The following BPGM variants were observed in gnomAD, a reference collection of about 807,000 sequenced individuals.
BPGM encodes the protein bisphosphoglycerate mutase, also known as 2,3-bisphosphoglycerate mutase, erythrocyte.
Under a neutral mutation model 21.6 loss-of-function variants are expected in BPGM, and 15 were observed. The observed-to-expected ratio is 0.70, with a 90% CI of 0.47 to 1.07. The LOEUF is 1.07. BPGM is among the 50% of genes least tolerant of loss of function. The probability of loss-of-function intolerance (pLI) is 0.00; values close to 1 mark genes in which losing one functional copy is unlikely to be tolerated. For missense variants in BPGM, 273 were observed against 319.0 expected (o/e 0.86, Z 1.10); for synonymous variants, 113 against 116.2 (o/e 0.97, Z 0.18).
At chr7:134,657,690 A>T (rs1395641441) in intron 1 of BPGM, among the ~76,000 whole-genome samples, 1 of 152,150 alleles carries the variant, frequency 6.6e-6, no homozygotes, top group Non-Finnish European at 1.5e-5. Flanking sequence ...TTCAGTTCAG[A>T]TCTTTTTCAG....
Position 134,661,759 on chromosome 7 carries a change from C to G in BPGM, c.252C>G (p.Ser84=). The G allele has an allele frequency of 6.2e-7, 1 of 1,614,174 alleles. No homozygotes were observed. Among genetic ancestry groups the G allele is most frequent in the Middle Eastern group, 1.6e-4 (1 of 6,062 alleles). The part of the protein sequence containing the change: ...LGQEWVPVES[S]WRLNERHYGA... ...AGGAATGGGTGCCTGTGGAAAGCTC[C>G]TGGCGTCTAAATGAGCGTCACTATG... Residue 84 remains serine, a synonymous_variant, in exon 2 of 3, where the codon TCC becomes TCG. Transcript: ENST00000344924. The surrounding 1 kb of genome is among the most constrained non-coding windows in gnomAD (Gnocchi z 4.6).
Position 134,661,961 on chromosome 7 carries a change from C to T in BPGM, c.454C>T (p.Leu152=). The part of the protein sequence containing the change: ...YKVCDVPLDQ[L]PRSESLKDVL... ...AGTATGCGATGTGCCCTTGGATCAA[C>T]TGCCACGGTCGGAAAGCTTAAAGGA... Residue 152 remains leucine, a synonymous_variant, in exon 2 of 3, where the codon CTG becomes TTG. Transcript: ENST00000344924. This position sits in a 1 kb window ranked among gnomAD's most constrained non-coding sequence, Gnocchi z 4.6. 1.9e-6 allele frequency: 3 copies of T among 1,614,198 alleles called. No homozygotes were observed. Among genetic ancestry groups the T allele is most frequent in the Non-Finnish European group, 2.5e-6 (3 of 1,180,032 alleles).
chr7:134,674,720 G>GAAGGTTTGTGTAC (rs1221825699), intron 2 of BPGM, among the ~76,000 whole-genome samples: 1 of 152,198 alleles, frequency 6.6e-6, no homozygotes, highest in Non-Finnish European at 1.5e-5. Flanking sequence ...ATGCTGCTAT[G>GAAGGTTTGTGTAC]AAGGTTTGTG....
At chr7:134,657,171 A>G (rs975117655) in intron 1 of BPGM, among the ~76,000 whole-genome samples, 5 of 152,202 alleles carry the variant, frequency 3.3e-5, no homozygotes, top group Admixed American at 2.0e-4. Flanking sequence ...TTAAAACTTC[A>G]TTGTGCCTCG....
At chr7:134,657,293 A>G (rs1233297471) in intron 1 of BPGM, among the ~76,000 whole-genome samples, 1 of 152,224 alleles carries the variant, frequency 6.6e-6, no homozygotes, top group Non-Finnish European at 1.5e-5. Flanking sequence ...AGTGTTCTGC[A>G]TAGGGTACAG....
intron 1 of BPGM, among the ~76,000 whole-genome samples, chr7:134,649,969 T>C (rs1356182868): frequency 6.6e-6 from 1 of 152,226 alleles, no homozygotes; most frequent in Admixed American, 6.5e-5. Flanking sequence ...ACCTCTCACT[T>C]TTTGGTAGAG....
At chr7:134,664,028 A>G (rs1348154472) in intron 2 of BPGM, among the ~76,000 whole-genome samples, 1 of 152,204 alleles carries the variant, frequency 6.6e-6, no homozygotes, top group Non-Finnish European at 1.5e-5. Flanking sequence ...TTACTTTTCT[A>G]CATTTGAGGG....
intron 1 of BPGM, among the ~76,000 whole-genome samples, chr7:134,648,895 A>G (rs889723775): frequency 6.6e-6 from 1 of 152,240 alleles, no homozygotes; most frequent in Non-Finnish European, 1.5e-5. Flanking sequence ...AAAAATTATT[A>G]GTATACAAGC....
intron 2 of BPGM, among the ~76,000 whole-genome samples, chr7:134,673,192 A>ATAT (rs1406324778): frequency 3.9e-5 from 6 of 152,156 alleles, no homozygotes. Context: ...AATAATAATA[A>ATAT]TAAAATAAAA....
chr7:134,672,830 A>G (rs1162506758), intron 2 of BPGM, among the ~76,000 whole-genome samples: 1 of 152,166 alleles, frequency 6.6e-6, no homozygotes, highest in African/African-American at 2.4e-5. Flanking sequence ...TTATGCCAAA[A>G]TTGAGTAATG....
intron 2 of BPGM, among the ~76,000 whole-genome samples, chr7:134,675,909 A>G (rs1795977884): frequency 6.6e-6 from 1 of 152,192 alleles, no homozygotes; most frequent in Non-Finnish European, 1.5e-5. Context: ...TAGTCAGAGT[A>G]TAGTTTTGTA....
chr7:134,651,130 C>T (rs561382469), intron 1 of BPGM, among the ~76,000 whole-genome samples: 53 of 152,280 alleles, frequency 3.5e-4, no homozygotes, highest in African/African-American at 1.2e-3. Context: ...CCAAGGAAAA[C>T]GTCATCTGAG....
intron 1 of BPGM, among the ~76,000 whole-genome samples, chr7:134,654,549 A>T (rs1795608795): frequency 6.6e-6 from 1 of 152,184 alleles, no homozygotes; most frequent in Non-Finnish European, 1.5e-5. Context: ...TGAGGATTCA[A>T]ACAGTGCCAA....
At chr7:134,658,403 T>C (rs143314660) in intron 1 of BPGM, 2 of 152,356 alleles carry the variant, frequency 1.3e-5, no homozygotes, top group East Asian at 1.9e-4. Flanking sequence ...CGGAAAACTT[T>C]CTGTTTACAC....
At chr7:134,669,874 G>A (rs1001397509) in intron 2 of BPGM, among the ~76,000 whole-genome samples, 1 of 152,094 alleles carries the variant, frequency 6.6e-6, no homozygotes, top group African/African-American at 2.4e-5. Flanking sequence ...ATAAGTCCAG[G>A]TTAAAAAGCA....
intron 1 of BPGM, among the ~76,000 whole-genome samples, chr7:134,653,047 C>T (rs1795581206): frequency 6.6e-6 from 1 of 152,102 alleles, no homozygotes; most frequent in Non-Finnish European, 1.5e-5. Context: ...AGCCCACAAA[C>T]TATGCATGGG....
chr7:134,678,612 G>C (rs1796015810), intron 2 of BPGM, among the ~76,000 whole-genome samples: 1 of 152,216 alleles, frequency 6.6e-6, no homozygotes. Flanking sequence ...ATAGGAAACA[G>C]GAACAGATTG....
At chr7:134,678,706 G>C in intron 2 of BPGM, 147 bp from the exon 3 acceptor site, 1 of 849,268 alleles carries the variant, frequency 1.2e-6, no homozygotes, top group Non-Finnish European at 1.9e-6. Flanking sequence ...AAAGTTCCTG[G>C]CTTCCAGGAA....
chr7:134,662,150 G>A, intron 2 of BPGM, 42 bp downstream of exon 2: 3 of 1,612,164 alleles, frequency 1.9e-6, no homozygotes, highest in Non-Finnish European at 2.5e-6. Context: ...TGCCAAGTGT[G>A]ATATCTAGGC....
Sources: gnomAD v4.1 joint callset for allele counts (sites outside exome capture counted in the v4.1 genomes callset) on GRCh38, gnomAD v4.1.1 for gene constraint, Gnocchi (gnomAD v3.1) non-coding constraint, MANE v1.5 for transcripts, NCBI Gene and HGNC (gene_info 2026-07-23, HGNC 2026-07-21) for gene names.